PCCB: variants seen among roughly 807,000 people sequenced by gnomAD.
PCCB encodes propionyl-CoA carboxylase subunit beta.
A neutral mutation model predicts 60.7 loss-of-function variants in PCCB; 43 were observed. The ratio of observed to expected loss-of-function variants is 0.71; its 90% CI spans 0.55 to 0.91. The LOEUF (loss-of-function observed/expected upper bound fraction) is 0.91, where lower values mean the gene tolerates loss of function less well. Ranked by LOEUF, PCCB falls within the 40% of genes least tolerant of loss-of-function variation. PCCB has a pLI of 0.00. For missense variants in PCCB, 766 were observed against 702.8 expected, an observed-to-expected ratio of 1.09 and a Z score of -1.02; for synonymous variants, 276 against 255.9, an observed-to-expected ratio of 1.08 and a Z score of -0.75.
intron 9 of PCCB, among the ~76,000 whole-genome samples, chr3:136,316,321 T>G (rs552568166): frequency 3.9e-5 from 6 of 152,162 alleles, no homozygotes; most frequent in Non-Finnish European, 7.4e-5. Flanking sequence ...TTATTTTTAT[T>G]TATTTATTTT....
intron 6 of PCCB, among the ~76,000 whole-genome samples, chr3:136,285,516 G>T (rs923163370): frequency 6.6e-6 from 1 of 151,334 alleles, no homozygotes; most frequent in African/African-American, 2.4e-5. Context: ...TCTTTAACAC[G>T]TGTTAATTTA....
At chr3:136,280,619 T>G (rs910004600) in intron 5 of PCCB, among the ~76,000 whole-genome samples, 1 of 152,228 alleles carries the variant, frequency 6.6e-6, no homozygotes, top group Non-Finnish European at 1.5e-5. Flanking sequence ...GAGCTGCAAT[T>G]ACAGGCATGA....
intron 5 of PCCB, among the ~76,000 whole-genome samples, chr3:136,268,090 A>ATAGATATATATATATATG (rs1942068637): frequency 4.2e-4 from 25 of 59,896 alleles, no homozygotes; most frequent in East Asian, 3.0e-3. Context: ...GTGTGTAGAT[A>ATAGATATATATATATATG]TATATATATA....
intron 12 of PCCB, 75 bp downstream of exon 12, chr3:136,327,330 G>A: frequency 8.9e-7 from 1 of 1,118,898 alleles, no homozygotes; most frequent in East Asian, 2.4e-5. Context: ...GTCTGGCAGA[G>A]TTTTACCAGG....
rs1163466880 is a variant in PCCB, at chr3:136,299,530, ATATGCATGTGTATAGG to A, written c.884+1472_885-1471del. ...TATAGGTATGCATGTGTATGTATGT[ATATGCATGTGTATAGG>A]TATGCATGTGTATGTATGTATATGC... On this transcript the variant is annotated intron_variant, in intron 8 of 14. Transcript: ENST00000251654. 1.7e-4 allele frequency among the ~76,000 whole-genome samples: 21 copies of A among 123,094 alleles called. 1 individual carries two copies. The highest frequency in any genetic ancestry group is 2.5e-4 in the Non-Finnish European group (15 of 58,828). The allele number at this position is 123,094 out of a possible 152,430, so 80.8% of individuals were successfully genotyped here.
At chr3:136,326,698 C>G (rs932176468) in intron 10 of PCCB, 105 bp from the exon 11 acceptor site, 2 of 818,810 alleles carry the variant, frequency 2.4e-6, no homozygotes, top group Non-Finnish European at 4.3e-6. Context: ...AGTGTTGGTG[C>G]CTCCACAGAA....
chr3:136,253,846 G>T (rs985473284), intron 1 of PCCB, among the ~76,000 whole-genome samples: 1 of 151,420 alleles, frequency 6.6e-6, no homozygotes, highest in African/African-American at 2.4e-5. Context: ...ACAGAGTCTC[G>T]CTTTGTTGCC....
chr3:136,297,493 G>A (rs1033057605), intron 7 of PCCB, among the ~76,000 whole-genome samples: 1 of 152,128 alleles, frequency 6.6e-6, no homozygotes, highest in African/African-American at 2.4e-5. Context: ...CACTGTTGCT[G>A]TGCACCTGTT....
At chr3:136,258,831 GT>G (rs1239563311) in intron 3 of PCCB, among the ~76,000 whole-genome samples, 3 of 151,984 alleles carry the variant, frequency 2.0e-5, no homozygotes. Context: ...GTTAGTCTCT[GT>G]TTTCAGCCTC....
chr3:136,309,409 T>C (rs1576347197), intron 9 of PCCB, among the ~76,000 whole-genome samples: 2 of 152,010 alleles, frequency 1.3e-5, no homozygotes, highest in East Asian at 1.9e-4. Flanking sequence ...GAAGAATAGC[T>C]GCAATTAGTA....
intron 9 of PCCB, among the ~76,000 whole-genome samples, chr3:136,312,001 T>C (rs1211512104): frequency 6.6e-6 from 1 of 152,170 alleles, no homozygotes; most frequent in Non-Finnish European, 1.5e-5. Context: ...AAGAATATAC[T>C]GCAAAAGAAA....
chr3:136,327,310 G>A (rs756812269), intron 12 of PCCB, 55 bp downstream of exon 12: 32 of 1,350,520 alleles, frequency 2.4e-5, no homozygotes, highest in East Asian at 6.9e-5. Flanking sequence ...CAGCATAGCC[G>A]TGGTGGGAGG....
At chr3:136,281,415 TC>T (rs1437176887) in intron 5 of PCCB, among the ~76,000 whole-genome samples, 37 of 152,032 alleles carry the variant, frequency 2.4e-4, no homozygotes, top group Non-Finnish European at 2.9e-5. Flanking sequence ...AATGAATTTT[TC>T]ATTTCAGTTA....
chr3:136,283,832 G>C lies in PCCB; in HGVS notation c.544-5G>C, dbSNP rs372351800. ...CCAGATGCTTTTGCTTTTCTGTTTT[G>C]GCAGAGGAATGTTACGGCATCCGGA... is the stretch of plus-strand genomic sequence containing the variant. On this transcript the variant is annotated splice_polypyrimidine_tract_variant and splice_region_variant and intron_variant, in intron 5 of 14. Transcript: ENST00000251654. 452 of 1,594,318 alleles carry C rather than the reference G, an allele frequency of 2.8e-4. No individual in the cohort carries two copies. Among genetic ancestry groups the C allele is most frequent in the Non-Finnish European group, 3.6e-4 (424 of 1,162,300 alleles).
chr3:136,327,512 T>C (rs1014195352), intron 12 of PCCB, 122 bp from the exon 13 acceptor site: 2 of 817,090 alleles, frequency 2.4e-6, no homozygotes, highest in African/African-American at 3.3e-5. Flanking sequence ...ACCGTGGGCC[T>C]TCAGGAGCCC....
chr3:136,324,028 T>C (rs1004708076), intron 10 of PCCB, among the ~76,000 whole-genome samples: 1 of 151,934 alleles, frequency 6.6e-6, no homozygotes, highest in African/African-American at 2.4e-5. Context: ...TCATATATGT[T>C]TGCCTAGTGT....
At chr3:136,274,890 G>A (rs1217072413) in intron 5 of PCCB, among the ~76,000 whole-genome samples, 1 of 149,862 alleles carries the variant, frequency 6.7e-6, no homozygotes, top group Non-Finnish European at 1.5e-5. Flanking sequence ...ACAGTGTTGT[G>A]ACCTTTGTCT....
At chr3:136,300,017 T>C (rs540278830) in intron 8 of PCCB, among the ~76,000 whole-genome samples, 86 of 152,050 alleles carry the variant, frequency 5.7e-4, no homozygotes, top group South Asian at 8.3e-4. Context: ...CATATGCATG[T>C]GTACACGCCC....
intron 6 of PCCB, among the ~76,000 whole-genome samples, chr3:136,292,038 G>A (rs1418711394): frequency 1.3e-5 from 2 of 152,162 alleles, no homozygotes; most frequent in Non-Finnish European, 2.9e-5. Flanking sequence ...TGCCCTGCAA[G>A]GCTCAATTTT....
Sources: gnomAD v4.1 joint callset for allele counts (sites outside exome capture counted in the v4.1 genomes callset) on GRCh38, gnomAD v4.1.1 for gene constraint, MANE v1.5 for transcripts, NCBI Gene and HGNC (gene_info 2026-07-23, HGNC 2026-07-21) for gene names.